The following MAMLD1 variants were observed in gnomAD, a reference collection of about 807,000 sequenced individuals.
The protein encoded by MAMLD1 is mastermind-like domain-containing protein 1.
MAMLD1 carries 14 observed loss-of-function variants against 45.0 expected under a neutral mutation model. The ratio of observed to expected loss-of-function variants is 0.31; its 90% CI spans 0.21 to 0.49. The LOEUF (loss-of-function observed/expected upper bound fraction) is 0.49. MAMLD1 is among the 20% of genes least tolerant of loss of function. The probability of loss-of-function intolerance (pLI) is 0.99; values close to 1 mark genes in which losing one functional copy is unlikely to be tolerated. For synonymous variants in MAMLD1, 254 were observed against 247.8 expected (o/e 1.02, Z -0.24); for missense variants, 543 against 603.6 (o/e 0.90, Z 1.05).
At chrX:150,491,810 A>T (rs2037196521) in intron 5 of MAMLD1, among the ~76,000 whole-genome samples, 1 of 112,069 alleles carries the variant, frequency 8.9e-6, no homozygotes, top group East Asian at 2.8e-4. Flanking sequence ...AATGAGGTGG[A>T]GAGAGACACA....
At chrX:150,451,655 G>A (rs991996194) in intron 2 of MAMLD1, among the ~76,000 whole-genome samples, 2 of 111,096 alleles carry the variant, frequency 1.8e-5, no homozygotes, top group Non-Finnish European at 1.9e-5. Context: ...TAATTTGTTG[G>A]AAACCTTCCT....
At chrX:150,452,652 G>T (rs965378760) in intron 2 of MAMLD1, among the ~76,000 whole-genome samples, 9 of 107,357 alleles carry the variant, frequency 8.4e-5, no homozygotes, top group Non-Finnish European at 1.7e-4. Flanking sequence ...TGCACATTGT[G>T]CAGGTTAGTT....
intron 5 of MAMLD1, among the ~76,000 whole-genome samples, chrX:150,502,713 C>T (rs1361419053): frequency 1.8e-5 from 2 of 110,923 alleles, no homozygotes; most frequent in African/African-American, 6.6e-5. Flanking sequence ...GAGATTTACT[C>T]GTGACTGTTT....
In MAMLD1 at chrX:150,445,523, G is replaced by A; in HGVS notation, c.7G>A (p.Asp3Asn). The A allele has an allele frequency of 8.3e-7, 1 of 1,208,766 alleles. No homozygotes were observed. Among genetic ancestry groups the A allele is most frequent in the Non-Finnish European group, 1.1e-6 (1 of 893,053 alleles). ...TAAATTTGCAGGTCAAACAATGGAT[G>A]ACTGGAAAAGTCGGCTTGTAATCAA... Reference protein sequence around the residue: MDDWKSRLVIKSM... With the variant: MDNWKSRLVIKSM... The change falls in exon 2 of 8, where the codon GAC becomes AAC. Residue 3 changes from aspartate to asparagine, a missense_variant. By Grantham distance (23) the Asp-to-Asn change is conservative. Transcript: ENST00000370401.
chrX:150,390,301 T>A (rs2033122443), intron 1 of MAMLD1, among the ~76,000 whole-genome samples: 1 of 112,118 alleles, frequency 8.9e-6, no homozygotes. Flanking sequence ...AAATAAGAGG[T>A]ATTGTTCACA....
intron 5 of MAMLD1, among the ~76,000 whole-genome samples, chrX:150,477,692 C>T (rs1441129547): frequency 9.0e-6 from 1 of 111,213 alleles, no homozygotes; most frequent in African/African-American, 3.3e-5. Flanking sequence ...CTAGGAGTTA[C>T]GTGGATGCTG....
intron 5 of MAMLD1, among the ~76,000 whole-genome samples, chrX:150,494,192 G>A (rs1210717505): frequency 9.1e-6 from 1 of 110,240 alleles, no homozygotes; most frequent in African/African-American, 3.3e-5. Context: ...TCAGAAGTTC[G>A]AGACCAGCCT....
chrX:150,425,763 C>A (rs1454970975), intron 1 of MAMLD1, among the ~76,000 whole-genome samples: 1 of 111,888 alleles, frequency 8.9e-6, no homozygotes, highest in Non-Finnish European at 1.9e-5. Context: ...GAATCAAATG[C>A]TAGACAAATA....
intron 6 of MAMLD1, among the ~76,000 whole-genome samples, chrX:150,508,921 G>C (rs1557408990): frequency 8.9e-6 from 1 of 111,770 alleles, no homozygotes; most frequent in Non-Finnish European, 1.9e-5. Context: ...TCAAGCACTG[G>C]ACTGGGAGTC....
intron 2 of MAMLD1, among the ~76,000 whole-genome samples, chrX:150,450,153 A>T (rs1388048579): frequency 8.9e-6 from 1 of 111,821 alleles, no homozygotes; most frequent in African/African-American, 3.3e-5. Context: ...CAGCCCATAA[A>T]CAGGTAAAGA....
At chrX:150,477,529 G>A (rs1557406909) in intron 5 of MAMLD1, among the ~76,000 whole-genome samples, 1 of 111,730 alleles carries the variant, frequency 9.0e-6, no homozygotes, top group Non-Finnish European at 1.9e-5. Flanking sequence ...CTTTTGCCAG[G>A]TGGCTGAGGA....
intron 1 of MAMLD1, among the ~76,000 whole-genome samples, chrX:150,408,690 T>C: frequency 8.9e-6 from 1 of 112,057 alleles, no homozygotes. Context: ...GATGGTGTTT[T>C]CAGAACTCCT....
intron 1 of MAMLD1, among the ~76,000 whole-genome samples, chrX:150,403,837 G>A (rs2033883115): frequency 1.0e-5 from 1 of 96,253 alleles, no homozygotes; most frequent in African/African-American, 3.8e-5. Flanking sequence ...AAGAGAGAGA[G>A]AGAGAGAGAA....
In MAMLD1 at chrX:150,471,286, C is replaced by T; in HGVS notation, c.1713C>T (p.His571=). Residue 571 remains histidine (H), a synonymous_variant, in exon 4 of 8, where the codon CAC becomes CAT. Coordinates refer to ENST00000370401, the MANE Select transcript of MAMLD1 (RefSeq NM_005491.5). ...PTTSRQPSLL[H]YLQQPTPTQA... is the part of the protein sequence containing the mutation. The stretch of plus-strand genomic sequence containing the variant: ...CCTCTAGGCAGCCTTCCCTGCTCCA[C>T]TACCTGCAGCAGCCGACACCAACGC... 8.3e-7 allele frequency: 1 copy of T among 1,211,609 alleles called. No individual in the cohort carries two copies. Among genetic ancestry groups the T allele is most frequent in the Non-Finnish European group, 1.1e-6 (1 of 895,459 alleles).
chrX:150,485,633 T>C (rs2036962833), intron 5 of MAMLD1, among the ~76,000 whole-genome samples: 1 of 112,316 alleles, frequency 8.9e-6, no homozygotes, highest in African/African-American at 3.2e-5. Flanking sequence ...GAATTGAATA[T>C]GACCCAGAAA....
At chrX:150,484,144 T>C (rs1184613369) in intron 5 of MAMLD1, among the ~76,000 whole-genome samples, 1 of 112,513 alleles carries the variant, frequency 8.9e-6, no homozygotes, top group Non-Finnish European at 1.9e-5. Flanking sequence ...ATAAAAATAC[T>C]TGATAGTATA....
intron 1 of MAMLD1, among the ~76,000 whole-genome samples, chrX:150,413,934 G>A (rs1162255462): frequency 9.6e-6 from 1 of 103,738 alleles, no homozygotes; most frequent in Non-Finnish European, 1.9e-5. Context: ...CAGGGCAAAC[G>A]ACATGCTAGG....
chrX:150,398,337 A>AGAAGAAGAAGAAGGG (rs2033588884), intron 1 of MAMLD1, among the ~76,000 whole-genome samples: 1 of 52,296 alleles, frequency 1.9e-5, no homozygotes, highest in African/African-American at 7.4e-5. Context: ...AAGAAGAAGA[A>AGAAGAAGAAGAAGGG]GAAGAGGAAG....
chrX:150,498,954 C>T (rs1426310349), intron 5 of MAMLD1, among the ~76,000 whole-genome samples: 3 of 112,393 alleles, frequency 2.7e-5, no homozygotes, highest in East Asian at 2.8e-4. Flanking sequence ...CTCCTATCAC[C>T]TCTCTTTGAT....
Sources: gnomAD v4.1 joint callset for allele counts (sites outside exome capture counted in the v4.1 genomes callset) on GRCh38, gnomAD v4.1.1 for gene constraint, MANE v1.5 for transcripts, NCBI Gene and HGNC (gene_info 2026-07-23, HGNC 2026-07-21) for gene names.